KCNMB2: variants seen among roughly 807,000 people sequenced by gnomAD.
KCNMB2 encodes the protein potassium calcium-activated channel subfamily M regulatory beta subunit 2, also known as calcium-activated potassium channel subunit beta-2.
A neutral mutation model predicts 24.5 loss-of-function variants in KCNMB2; 9 were observed. The ratio of observed to expected loss-of-function variants is 0.37; its 90% CI spans 0.22 to 0.64. The LOEUF is 0.64. Among genes scored for constraint, KCNMB2 ranks in the 30% least tolerant of loss-of-function variants. The pLI, the probability that KCNMB2 is intolerant of heterozygous loss-of-function variation, is 0.63. For missense variants in KCNMB2, 226 were observed against 284.3 expected (o/e 0.79, Z 1.47); for synonymous variants, 109 against 104.4 (o/e 1.04, Z -0.27).
At chr3:178,691,047 C>T (rs766137850) in intron 1 of KCNMB2, among the ~76,000 whole-genome samples, 13 of 150,026 alleles carry the variant, frequency 8.7e-5, no homozygotes, top group Non-Finnish European at 4.4e-5. Flanking sequence ...AAGCAATTCT[C>T]GCACCTTAGT....
intron 1 of KCNMB2, among the ~76,000 whole-genome samples, chr3:178,802,687 C>T (rs1348811941): frequency 5.9e-5 from 9 of 152,098 alleles, no homozygotes; most frequent in Non-Finnish European, 1.3e-4. Flanking sequence ...GGAGTGAGAT[C>T]CAGGCACCAG....
At chr3:178,832,330 G>C (rs1715084395) in intron 4 of KCNMB2, among the ~76,000 whole-genome samples, 1 of 151,560 alleles carries the variant, frequency 6.6e-6, no homozygotes, top group Non-Finnish European at 1.5e-5. Flanking sequence ...CTGCTTCTTT[G>C]AAAGTAATCT....
At chr3:178,806,001 C>T (rs992235328) in intron 1 of KCNMB2, among the ~76,000 whole-genome samples, 1 of 152,098 alleles carries the variant, frequency 6.6e-6, no homozygotes, top group African/African-American at 2.4e-5. Context: ...CATTGGCACG[C>T]ACCGGTAGTC....
chr3:178,609,642 GA>G (rs1453377954), intron 1 of KCNMB2, among the ~76,000 whole-genome samples: 1 of 150,542 alleles, frequency 6.6e-6, no homozygotes. Context: ...AGTCTATTTC[GA>G]TTTTTTTTTT....
chr3:178,708,920 G>A (rs1577115017), intron 1 of KCNMB2, among the ~76,000 whole-genome samples: 2 of 152,124 alleles, frequency 1.3e-5, no homozygotes, highest in South Asian at 2.1e-4. Context: ...ATGAATGAAT[G>A]AGCGAATGAA....
chr3:178,759,959 GATATATATATATATAT>G (rs1236808963), intron 1 of KCNMB2, among the ~76,000 whole-genome samples: 1 of 7,574 alleles, frequency 1.3e-4, no homozygotes, highest in Non-Finnish European at 2.0e-4. Context: ...TATCCAAGAG[GATATATATATATATAT>G]ATATATCCAA....
At chr3:178,571,590 C>T (rs1264108245) in intron 1 of KCNMB2, among the ~76,000 whole-genome samples, 2 of 151,378 alleles carry the variant, frequency 1.3e-5, no homozygotes, top group African/African-American at 4.8e-5. Context: ...TAGGTATACA[C>T]GTGCCATGGT....
At position 178,842,700 on chromosome 3, in the gene KCNMB2, C is replaced by G; in HGVS notation, c.471C>G (p.Ser157=). 1 of 1,612,958 alleles carries G rather than the reference C, an allele frequency of 6.2e-7. No homozygotes were observed. The highest frequency in any genetic ancestry group is 8.5e-7 in the Non-Finnish European group (1 of 1,178,972). ...GAAAAAATTTTGAAGAATCCATGTCCCTGGTGAATGTTGTCATGGAAAACT... is the reference window on the plus strand; with the variant it reads ...GAAAAAATTTTGAAGAATCCATGTCGCTGGTGAATGTTGTCATGGAAAACT... ...KCGKNFEESM[S]LVNVVMENFR... The change falls in exon 5 of 5, where the codon TCC becomes TCG. Residue 157 remains serine (S), a synonymous_variant. Coordinates refer to ENST00000452583, the MANE Select transcript of KCNMB2 (RefSeq NM_181361.3).
chr3:178,773,707 T>C (rs1712470065), intron 1 of KCNMB2, among the ~76,000 whole-genome samples: 1 of 152,198 alleles, frequency 6.6e-6, no homozygotes, highest in African/African-American at 2.4e-5. Flanking sequence ...ATACCTCCTT[T>C]TCTCTTGCTG....
intron 1 of KCNMB2, among the ~76,000 whole-genome samples, chr3:178,578,312 A>C (rs998906573): frequency 6.6e-6 from 1 of 152,236 alleles, no homozygotes. Context: ...CAATTAGTTT[A>C]CAGACAAGCA....
At chr3:178,716,047 C>G (rs1034370281) in intron 1 of KCNMB2, among the ~76,000 whole-genome samples, 5 of 152,206 alleles carry the variant, frequency 3.3e-5, no homozygotes, top group Non-Finnish European at 7.3e-5. Context: ...TTGTTCCCAA[C>G]TGAATACACA....
At chr3:178,811,000 C>G (rs1027562402) in intron 2 of KCNMB2, among the ~76,000 whole-genome samples, 3 of 151,274 alleles carry the variant, frequency 2.0e-5, no homozygotes, top group Non-Finnish European at 4.4e-5. Flanking sequence ...GATCCGCCCA[C>G]CTCAGCCTCC....
At chr3:178,823,674 C>T (rs1343842188) in intron 2 of KCNMB2, among the ~76,000 whole-genome samples, 1 of 152,156 alleles carries the variant, frequency 6.6e-6, no homozygotes, top group East Asian at 1.9e-4. Flanking sequence ...AAGGGATCAG[C>T]CAATCAGAAC....
intron 1 of KCNMB2, among the ~76,000 whole-genome samples, chr3:178,565,772 T>C (rs1716496501): frequency 6.6e-6 from 1 of 152,194 alleles, no homozygotes; most frequent in Admixed American, 6.5e-5. Flanking sequence ...AGTATCCTGC[T>C]GAAAATCAAG....
intron 1 of KCNMB2, among the ~76,000 whole-genome samples, chr3:178,660,835 T>G (rs1720499737): frequency 6.6e-6 from 1 of 152,082 alleles, no homozygotes; most frequent in Admixed American, 6.6e-5. Flanking sequence ...CTGACAGTTA[T>G]TCCCAGCATT....
chr3:178,741,194 A>C (rs1301550505), intron 1 of KCNMB2, among the ~76,000 whole-genome samples: 1 of 152,164 alleles, frequency 6.6e-6, no homozygotes, highest in Non-Finnish European at 1.5e-5. Flanking sequence ...TTTGAACATC[A>C]CTTTTACCAT....
At chr3:178,655,626 G>A (rs1177509263) in intron 1 of KCNMB2, among the ~76,000 whole-genome samples, 1 of 152,146 alleles carries the variant, frequency 6.6e-6, no homozygotes, top group African/African-American at 2.4e-5. Flanking sequence ...GAAAATGCAA[G>A]GAAAGAGTTA....
intron 1 of KCNMB2, among the ~76,000 whole-genome samples, chr3:178,764,740 T>C (rs941332163): frequency 3.9e-5 from 6 of 152,210 alleles, no homozygotes; most frequent in African/African-American, 9.6e-5. Flanking sequence ...CAATCCACAT[T>C]ATGAACACTG....
chr3:178,676,507 C>G (rs1292490037), intron 1 of KCNMB2, among the ~76,000 whole-genome samples: 32 of 152,174 alleles, frequency 2.1e-4, no homozygotes, highest in Non-Finnish European at 4.4e-5. Context: ...CTCCACCATT[C>G]TCTCCAAGCA....
Sources: gnomAD v4.1 joint callset for allele counts (sites outside exome capture counted in the v4.1 genomes callset) on GRCh38, gnomAD v4.1.1 for gene constraint, MANE v1.5 for transcripts, NCBI Gene and HGNC (gene_info 2026-07-23, HGNC 2026-07-21) for gene names.